The following ASIC2 variants were observed in gnomAD, a reference collection of about 807,000 sequenced individuals.
ASIC2 encodes the protein acid-sensing ion channel 2.
A neutral mutation model predicts 57.3 loss-of-function variants in ASIC2; 25 were observed. That is an observed-to-expected ratio of 0.44 (90% CI 0.32 to 0.61). ASIC2 has a LOEUF of 0.61. ASIC2 is among the 20% of genes least tolerant of loss of function. The pLI is 0.06. For missense variants in ASIC2, 641 were observed against 738.1 expected (o/e 0.87, Z 1.52); for synonymous variants, 319 against 307.5 (o/e 1.04, Z -0.39).
intron 1 of ASIC2, among the ~76,000 whole-genome samples, chr17:33,218,792 T>A (rs558441363): frequency 1.4e-4 from 21 of 152,118 alleles, no homozygotes; most frequent in Non-Finnish European, 2.6e-4. Context: ...GCTCGGGGCA[T>A]CTCTCTTCCC....
At chr17:33,826,338 G>C (rs991673634) in intron 1 of ASIC2, among the ~76,000 whole-genome samples, 3 of 152,188 alleles carry the variant, frequency 2.0e-5, no homozygotes, top group African/African-American at 7.2e-5. Flanking sequence ...GGAGGGCGCA[G>C]AGACATCCCT....
chr17:33,241,364 G>A (rs988959766), intron 1 of ASIC2, among the ~76,000 whole-genome samples: 3 of 152,182 alleles, frequency 2.0e-5, no homozygotes, highest in African/African-American at 7.2e-5. Context: ...TCACGTGGTG[G>A]GAGTTCCATT....
chr17:34,076,458 A>G (rs1052931474), intron 1 of ASIC2, among the ~76,000 whole-genome samples: 2 of 151,912 alleles, frequency 1.3e-5, no homozygotes, highest in Non-Finnish European at 2.9e-5. Flanking sequence ...ATCACTTTCT[A>G]CCTTCATATC....
At chr17:33,989,587 C>T (rs773448062) in intron 1 of ASIC2, among the ~76,000 whole-genome samples, 1 of 152,144 alleles carries the variant, frequency 6.6e-6, no homozygotes, top group African/African-American at 2.4e-5. Context: ...CGGCTAAGAC[C>T]TTTAACAGGT....
chr17:33,376,766 G>T (rs776894250), intron 1 of ASIC2, among the ~76,000 whole-genome samples: 2 of 152,070 alleles, frequency 1.3e-5, no homozygotes, highest in African/African-American at 2.4e-5. Flanking sequence ...CTGCTCCTCT[G>T]CCATTGCTGC....
intron 1 of ASIC2, among the ~76,000 whole-genome samples, chr17:33,866,324 T>G (rs1196342306): frequency 5.9e-5 from 9 of 152,222 alleles, no homozygotes; most frequent in Admixed American, 5.9e-4. Flanking sequence ...AAATTTGTCC[T>G]TTTTAATGTC....
intron 1 of ASIC2, among the ~76,000 whole-genome samples, chr17:33,730,533 T>A (rs908268215): frequency 6.6e-6 from 1 of 152,232 alleles, no homozygotes; most frequent in Non-Finnish European, 1.5e-5. Flanking sequence ...ATATGAGTGA[T>A]CTAAAATTAA....
intron 1 of ASIC2, among the ~76,000 whole-genome samples, chr17:33,336,722 A>T (rs1168818238): frequency 6.6e-6 from 1 of 151,980 alleles, no homozygotes; most frequent in East Asian, 1.9e-4. Context: ...AAAGTTGAAC[A>T]CTTTCTCTCT....
intron 1 of ASIC2, among the ~76,000 whole-genome samples, chr17:33,369,585 G>A (rs1018059117): frequency 1.3e-5 from 2 of 152,128 alleles, no homozygotes; most frequent in Admixed American, 1.3e-4. Context: ...TGGGTACTGG[G>A]CACTCTACTG....
chr17:33,327,147 C>T (rs1364723716), intron 1 of ASIC2, among the ~76,000 whole-genome samples: 1 of 152,200 alleles, frequency 6.6e-6, no homozygotes, highest in African/African-American at 2.4e-5. Flanking sequence ...CACCCTCAAT[C>T]CCTCCACCAC....
At chr17:33,629,327 C>T (rs1014555035) in intron 1 of ASIC2, among the ~76,000 whole-genome samples, 1 of 4,288 alleles carries the variant, frequency 2.3e-4, no homozygotes, top group Non-Finnish European at 3.7e-4. Flanking sequence ...TTAGAAGGCA[C>T]TTAGGAATTA....
intron 1 of ASIC2, among the ~76,000 whole-genome samples, chr17:33,743,435 G>C (rs1435467880): frequency 6.6e-6 from 1 of 152,242 alleles, no homozygotes; most frequent in African/African-American, 2.4e-5. Flanking sequence ...ACATGTGATA[G>C]TTAATTTTAT....
intron 1 of ASIC2, among the ~76,000 whole-genome samples, chr17:33,271,010 G>A (rs1818106274): frequency 6.6e-6 from 1 of 152,192 alleles, no homozygotes; most frequent in East Asian, 1.9e-4. Context: ...GGGTTTAAGT[G>A]CATTTGGTTC....
chr17:33,417,654 A>T (rs4794949), intron 1 of ASIC2, among the ~76,000 whole-genome samples: 34,511 of 152,058 alleles, frequency 0.23, 4,508 homozygotes, highest in East Asian at 0.66. Context: ...TTCCTTTGCC[A>T]TGCTGGTTGT....
chr17:33,173,667 G>A (rs1462965305), intron 1 of ASIC2, among the ~76,000 whole-genome samples: 3 of 152,226 alleles, frequency 2.0e-5, no homozygotes, highest in Non-Finnish European at 4.4e-5. Flanking sequence ...GACCAGACAG[G>A]TCTGGGTTCT....
chr17:33,283,579 T>C (rs187327358), intron 1 of ASIC2, among the ~76,000 whole-genome samples: 4 of 152,316 alleles, frequency 2.6e-5, no homozygotes, highest in East Asian at 3.9e-4. Context: ...CCTAAGAACA[T>C]CTTCCAGGGC....
intron 1 of ASIC2, among the ~76,000 whole-genome samples, chr17:33,545,738 C>T (rs774495282): frequency 2.6e-5 from 4 of 152,152 alleles, no homozygotes; most frequent in Non-Finnish European, 4.4e-5. Flanking sequence ...AGTAATCTTG[C>T]TCCTATAAAA....
intron 1 of ASIC2, chr17:34,039,250 G>A: frequency 6.2e-7 from 1 of 1,613,926 alleles, no homozygotes; most frequent in Middle Eastern, 1.7e-4. Context: ...GTCGGACTGG[G>A]TCTGTCTGTG....
chr17:33,783,827 A>C (rs1455533666), intron 1 of ASIC2, among the ~76,000 whole-genome samples: 1 of 152,214 alleles, frequency 6.6e-6, no homozygotes, highest in Admixed American at 6.5e-5. Flanking sequence ...TCAGTTATCC[A>C]CCTGATGAAA....
Sources: allele counts gnomAD v4.1 joint callset (sites outside exome capture counted in the v4.1 genomes callset), GRCh38; gene constraint gnomAD v4.1.1; transcripts MANE v1.5; gene names NCBI Gene and HGNC (gene_info 2026-07-23, HGNC 2026-07-21).